The following RSF1 variants were observed in gnomAD, a reference collection of about 807,000 sequenced individuals.
The protein encoded by RSF1 is remodeling and spacing factor 1.
In RSF1, 13 loss-of-function variants were observed where a neutral mutation model predicts 145.2. That is an observed-to-expected ratio of 0.09 (90% CI 0.06 to 0.14). RSF1 has a LOEUF of 0.14. Among genes scored for constraint, RSF1 ranks in the 10% least tolerant of loss-of-function variants. RSF1 has a pLI of 1.00. For missense variants in RSF1, 1,517 were observed against 1,718.2 expected, an observed-to-expected ratio of 0.88 and a Z score of 2.07; for synonymous variants, 577 against 592.6, an observed-to-expected ratio of 0.97 and a Z score of 0.38.
At chr11:77,782,726 G>A (rs1385061208) in intron 1 of RSF1, among the ~76,000 whole-genome samples, 1 of 152,136 alleles carries the variant, frequency 6.6e-6, no homozygotes, top group African/African-American at 2.4e-5. Context: ...AAATCTTAGT[G>A]TCTGTAACGT....
chr11:77,721,454 G>A (rs552512077), intron 5 of RSF1, among the ~76,000 whole-genome samples: 1 of 152,348 alleles, frequency 6.6e-6, no homozygotes, highest in South Asian at 2.1e-4. Context: ...TTATATGTAA[G>A]TGCAGCATTA....
chr11:77,772,079 TTTTAG>T (rs1176672081), intron 1 of RSF1, among the ~76,000 whole-genome samples: 3 of 152,220 alleles, frequency 2.0e-5, no homozygotes, highest in Admixed American at 6.5e-5. Flanking sequence ...AAATCATGAC[TTTTAG>T]TTTAATCACA....
At chr11:77,765,082 T>C (rs975710867) in intron 1 of RSF1, among the ~76,000 whole-genome samples, 12 of 152,154 alleles carry the variant, frequency 7.9e-5, no homozygotes, top group African/African-American at 2.9e-4. Flanking sequence ...CTCTCCGTAC[T>C]TGCTGCTTAA....
At chr11:77,749,053 C>T (rs1343241862) in intron 2 of RSF1, among the ~76,000 whole-genome samples, 1 of 152,092 alleles carries the variant, frequency 6.6e-6, no homozygotes, top group African/African-American at 2.4e-5. Context: ...AAACCAGACA[C>T]AAAAGGCCAC....
At chr11:77,755,972 T>C (rs1356581544) in intron 2 of RSF1, among the ~76,000 whole-genome samples, 4 of 152,028 alleles carry the variant, frequency 2.6e-5, no homozygotes, top group Non-Finnish European at 5.9e-5. Flanking sequence ...ACATGATGAG[T>C]ATATGAAAGA....
chr11:77,676,713 G>A, intron 13 of RSF1, 79 bp downstream of exon 13: 3 of 1,232,510 alleles, frequency 2.4e-6, no homozygotes, highest in Non-Finnish European at 2.3e-6. Context: ...CCTCATCACA[G>A]CATGGGCAAG....
At chr11:77,780,618 G>A (rs1948392643) in intron 1 of RSF1, among the ~76,000 whole-genome samples, 2 of 152,270 alleles carry the variant, frequency 1.3e-5, no homozygotes, top group South Asian at 4.2e-4. Context: ...TGGAGGTCAG[G>A]AGTTTGAGAC....
chr11:77,773,478 G>A (rs1053999969), intron 1 of RSF1, among the ~76,000 whole-genome samples: 2 of 151,970 alleles, frequency 1.3e-5, no homozygotes, highest in Admixed American at 6.6e-5. Flanking sequence ...GCAAACACTC[G>A]TTCTTGGAGG....
In RSF1 at chr11:77,820,610, C is replaced by A; in HGVS notation, c.105G>T (p.Pro35=). 3 of 1,566,754 alleles carry A rather than the reference C, an allele frequency of 1.9e-6. No individual in the cohort carries two copies. Among genetic ancestry groups the A allele is most frequent in the Non-Finnish European group, 2.6e-6 (3 of 1,157,486 alleles). ...ACGGCAACTCAGGCAGGTCTAGCAG[C>A]GGCCCGTAGCGCTCCAAGAAGGAGC... The part of the protein sequence containing the change: ...VVCSFLERYG[P]LLDLPELPFP... Residue 35 remains proline, a synonymous_variant, in exon 1 of 16, where the codon CCG becomes CCT. Transcript: ENST00000308488.
At chr11:77,865,145 T>G in the RSF1 span, among the ~76,000 whole-genome samples, 1 of 152,214 alleles carries the variant, frequency 6.6e-6, no homozygotes, top group Non-Finnish European at 1.5e-5. Context: ...TCCCCAACAT[T>G]CATTCTACTG....
upstream of RSF1, among the ~76,000 whole-genome samples, chr11:77,823,448 G>C (rs1419877865): frequency 6.6e-6 from 1 of 151,316 alleles, no homozygotes; most frequent in Non-Finnish European, 1.5e-5. Context: ...AAAATAATCT[G>C]GGCGAGGTGG....
At chr11:77,764,984 A>G (rs1948211258) in intron 1 of RSF1, among the ~76,000 whole-genome samples, 1 of 152,226 alleles carries the variant, frequency 6.6e-6, no homozygotes, top group Non-Finnish European at 1.5e-5. Flanking sequence ...ATGTCAATGT[A>G]GGTTCATCAA....
chr11:77,799,427 A>C (rs1455624292), intron 1 of RSF1, among the ~76,000 whole-genome samples: 1 of 150,144 alleles, frequency 6.7e-6, no homozygotes, highest in Admixed American at 6.7e-5. Context: ...GCTTGAGATC[A>C]GGAGAGGTCG....
At chr11:77,768,162 T>C (rs912929967) in intron 1 of RSF1, among the ~76,000 whole-genome samples, 1 of 88,734 alleles carries the variant, frequency 1.1e-5, no homozygotes, top group South Asian at 3.3e-4. Flanking sequence ...TATTATCAGC[T>C]TTTTTTTTTT....
Position 77,666,673 on chromosome 11 carries a change from G to A in RSF1, c.*244C>T. ...TTATTATAATAAGATTTTTTTCCAT[G>A]AATGAAATTACCAAGGACCATGAAC... On this transcript the variant is annotated 3_prime_UTR_variant, in exon 16 of 16. Coordinates refer to ENST00000308488, the MANE Select transcript of RSF1 (RefSeq NM_016578.4). 3.0e-6 allele frequency: 1 copy of A among 332,768 alleles called. No individual in the cohort carries two copies. Among genetic ancestry groups the A allele is most frequent in the Non-Finnish European group, 5.4e-6 (1 of 185,192 alleles). 20.6% of individuals were successfully genotyped at this position (332,768 alleles called of 1,614,324 possible). A position where few individuals can be genotyped will look rare whatever the true frequency, so the allele number is the denominator to read the frequency against.
the RSF1 span, among the ~76,000 whole-genome samples, chr11:77,859,311 C>T: frequency 5.9e-5 from 9 of 152,224 alleles, no homozygotes; most frequent in South Asian, 1.9e-3. Context: ...TTGGTAGTTC[C>T]CTTCTATTTC....
chr11:77,683,513 G>C (rs940144041), intron 11 of RSF1, among the ~76,000 whole-genome samples, 197 bp downstream of exon 11: 5 of 151,496 alleles, frequency 3.3e-5, no homozygotes, highest in African/African-American at 1.2e-4. Flanking sequence ...AGACCAGCCT[G>C]GCCAACAAGA....
chr11:77,863,382 C>A, the RSF1 span, among the ~76,000 whole-genome samples: 1 of 152,024 alleles, frequency 6.6e-6, no homozygotes, highest in Non-Finnish European at 1.5e-5. Flanking sequence ...AAACTCAGCT[C>A]GAGCCATAAC....
chr11:77,704,628 T>G (rs1565154531), intron 5 of RSF1, among the ~76,000 whole-genome samples: 1 of 152,346 alleles, frequency 6.6e-6, no homozygotes, highest in African/African-American at 2.4e-5. Context: ...ACAAACTCAC[T>G]GATCTTTCTT....
Sources: gnomAD v4.1 joint callset for allele counts (sites outside exome capture counted in the v4.1 genomes callset) on GRCh38, gnomAD v4.1.1 for gene constraint, MANE v1.5 for transcripts, NCBI Gene and HGNC (gene_info 2026-07-23, HGNC 2026-07-21) for gene names.